The following GRIN2A variants were observed in gnomAD, a reference collection of about 807,000 sequenced individuals.
GRIN2A encodes the protein glutamate ionotropic receptor NMDA type subunit 2A.
GRIN2A carries 22 observed loss-of-function variants against 113.4 expected under a neutral mutation model. That is an observed-to-expected ratio of 0.19 (90% CI 0.14 to 0.28). The LOEUF (loss-of-function observed/expected upper bound fraction) is 0.28, where lower values mean the gene tolerates loss of function less well. Ranked by LOEUF, GRIN2A falls within the 10% of genes least tolerant of loss-of-function variation. GRIN2A has a pLI of 1.00. For missense variants in GRIN2A, 1,502 were observed against 1,887.0 expected, an observed-to-expected ratio of 0.80 and a Z score of 3.78; for synonymous variants, 827 against 738.4, an observed-to-expected ratio of 1.12 and a Z score of -1.94.
At chr16:10,045,741 A>G (rs1296801507) in intron 2 of GRIN2A, among the ~76,000 whole-genome samples, 1 of 152,240 alleles carries the variant, frequency 6.6e-6, no homozygotes, top group Non-Finnish European at 1.5e-5. Flanking sequence ...CCTGAAGCAG[A>G]TCATCTTGGG....
At chr16:10,133,847 T>C (rs1403934695) in intron 2 of GRIN2A, among the ~76,000 whole-genome samples, 1 of 151,778 alleles carries the variant, frequency 6.6e-6, no homozygotes, top group Non-Finnish European at 1.5e-5. Flanking sequence ...AAGGAATCAA[T>C]GAAAAGAAAA....
chr16:9,822,014 G>C (rs150803760), intron 10 of GRIN2A, among the ~76,000 whole-genome samples: 1 of 152,212 alleles, frequency 6.6e-6, no homozygotes, highest in African/African-American at 2.4e-5. Flanking sequence ...TTCTTTATCA[G>C]TTTAAGAAAC....
chr16:9,806,523 T>C (rs1451531645), intron 10 of GRIN2A, among the ~76,000 whole-genome samples: 1 of 152,064 alleles, frequency 6.6e-6, no homozygotes, highest in African/African-American at 2.4e-5. Context: ...AGTGATTTTG[T>C]AAGACAGAGG....
intron 5 of GRIN2A, 30 bp downstream of exon 5, chr16:9,849,726 C>T (rs948150619): frequency 1.9e-6 from 3 of 1,548,094 alleles, no homozygotes; most frequent in African/African-American, 1.4e-5. Context: ...GGGTTGGGCA[C>T]GTTCAGGTGA....
rs535764147 is a variant in GRIN2A, at chr16:9,799,365, A to G, written c.2169-901T>C. ...TGCTGCTGCAAGCCAAGGAACTACC[A>G]GAAGTCAGGAGAGAGGCCTGGAACA... On this transcript the variant is annotated intron_variant, in intron 10 of 12. Coordinates refer to ENST00000330684, the MANE Select transcript of GRIN2A (RefSeq NM_001134407.3). Among the ~76,000 whole-genome samples, 6 of 152,342 alleles carry G rather than the reference A, an allele frequency of 3.9e-5. No homozygotes were observed. The South Asian group carries it at 1.2e-3, about 32-fold the overall frequency.
rs1900575319 is a variant in GRIN2A at position 9,761,394 on chromosome 16, C to A, written c.*1755G>T. 4.3e-6 allele frequency: 1 copy of A among 230,812 alleles called. No homozygotes were observed. Among genetic ancestry groups the A allele is most frequent in the Non-Finnish European group, 8.6e-6 (1 of 116,664 alleles). The allele number at this position is 230,812 out of a possible 1,614,324, so 14.3% of individuals were successfully genotyped here. The stretch of plus-strand genomic sequence containing the variant: ...ATGCAGGAGGAAACCAGGAAATGGC[C>A]AGGCGAGTCTACATTAGCTTAGTGT... On this transcript the variant is annotated 3_prime_UTR_variant, in exon 13 of 13. Transcript: ENST00000330684.
intron 2 of GRIN2A, among the ~76,000 whole-genome samples, chr16:10,123,589 T>C (rs1294549512): frequency 6.6e-6 from 1 of 152,020 alleles, no homozygotes; most frequent in Non-Finnish European, 1.5e-5. Context: ...TTCTCAAACT[T>C]TAACATGCAC....
At chr16:9,972,215 G>A (rs968843667) in intron 2 of GRIN2A, among the ~76,000 whole-genome samples, 2 of 152,198 alleles carry the variant, frequency 1.3e-5, no homozygotes, top group Non-Finnish European at 2.9e-5. Flanking sequence ...CTCCACCTGA[G>A]AGACAGATAT....
At chr16:10,052,119 A>T (rs1006401449) in intron 2 of GRIN2A, among the ~76,000 whole-genome samples, 1 of 152,224 alleles carries the variant, frequency 6.6e-6, no homozygotes, top group Non-Finnish European at 1.5e-5. Flanking sequence ...TGCCCAAAAC[A>T]TTGTCATCAG....
At chr16:10,029,226 C>T (rs2046882249) in intron 2 of GRIN2A, among the ~76,000 whole-genome samples, 1 of 151,928 alleles carries the variant, frequency 6.6e-6, no homozygotes, top group African/African-American at 2.4e-5. Flanking sequence ...CAGAGTTTCG[C>T]TCTTGTTGCC....
intron 2 of GRIN2A, among the ~76,000 whole-genome samples, chr16:10,148,364 T>C (rs562422568): frequency 1.3e-5 from 2 of 152,354 alleles, no homozygotes; most frequent in East Asian, 3.9e-4. Flanking sequence ...CAGTTAATCA[T>C]ATTTCCTTAA....
intron 2 of GRIN2A, among the ~76,000 whole-genome samples, chr16:10,091,832 C>A (rs1361881956): frequency 6.6e-6 from 1 of 152,084 alleles, no homozygotes; most frequent in African/African-American, 2.4e-5. Context: ...TCTATAGAGA[C>A]AGAAAGTGGA....
Position 10,072,966 on chromosome 16 carries a change from T to TTC in GRIN2A, c.414+107031_414+107032insGA, listed in dbSNP as rs1555474416. ...ACCCCCTTTTTTTTTTTTTTTTTTT[T>TTC]TGAGACAGAGTCTCTTTTCGTTGCC... On this transcript the variant is annotated intron_variant, in intron 2 of 12. Transcript: ENST00000330684. Among the ~76,000 whole-genome samples, 85 of 142,226 alleles carry TTC rather than the reference T, an allele frequency of 6.0e-4. 1 individual carries two copies. The highest frequency in any genetic ancestry group is 2.6e-3 in the East Asian group (12 of 4,658). 93.3% of individuals were successfully genotyped at this position (142,226 alleles called of 152,430 possible).
intron 2 of GRIN2A, among the ~76,000 whole-genome samples, chr16:10,080,444 C>T (rs1215493904): frequency 6.6e-6 from 1 of 152,176 alleles, no homozygotes; most frequent in Non-Finnish European, 1.5e-5. Context: ...AAGCCATCTG[C>T]ACCCCGTTAC....
intron 2 of GRIN2A, among the ~76,000 whole-genome samples, chr16:9,984,402 T>C (rs2045944497): frequency 6.6e-6 from 1 of 152,236 alleles, no homozygotes; most frequent in Admixed American, 6.5e-5. Context: ...CCTGTGCTTT[T>C]GAGGTCTTCT....
At chr16:9,987,465 C>T (rs761119024) in intron 2 of GRIN2A, among the ~76,000 whole-genome samples, 1 of 152,138 alleles carries the variant, frequency 6.6e-6, no homozygotes, top group Non-Finnish European at 1.5e-5. Flanking sequence ...ATAGTAGCTA[C>T]CTGATAACAT....
chr16:10,165,453 A>G (rs1319742019), intron 2 of GRIN2A, among the ~76,000 whole-genome samples: 5 of 148,630 alleles, frequency 3.4e-5, no homozygotes, highest in African/African-American at 9.9e-5. Context: ...TTACTTGTAT[A>G]TTAGCTGTGA....
intron 2 of GRIN2A, among the ~76,000 whole-genome samples, chr16:10,135,524 A>G (rs2049173597): frequency 6.6e-6 from 1 of 152,216 alleles, no homozygotes; most frequent in Non-Finnish European, 1.5e-5. Context: ...GGCCACTGCC[A>G]CTTTTTAAGG....
At chr16:9,913,089 A>T (rs1347778739) in intron 3 of GRIN2A, among the ~76,000 whole-genome samples, 2 of 152,210 alleles carry the variant, frequency 1.3e-5, no homozygotes, top group Non-Finnish European at 2.9e-5. Context: ...TTCCACTGAT[A>T]GCTTAAAGTG....
Sources: gnomAD v4.1 joint callset for allele counts (sites outside exome capture counted in the v4.1 genomes callset) on GRCh38, gnomAD v4.1.1 for gene constraint, MANE v1.5 for transcripts, NCBI Gene and HGNC (gene_info 2026-07-23, HGNC 2026-07-21) for gene names.